ROBO1: variants seen among roughly 807,000 people sequenced by gnomAD.
ROBO1 encodes the protein roundabout homolog 1.
Under a neutral mutation model 195.9 loss-of-function variants are expected in ROBO1, and 149 were observed. The ratio of observed to expected loss-of-function variants is 0.76; its 90% confidence interval spans 0.67 to 0.87. The LOEUF (loss-of-function observed/expected upper bound fraction) is 0.87, where lower values mean the gene tolerates loss of function less well. Ranked by LOEUF, ROBO1 falls within the 40% of genes least tolerant of loss-of-function variation. ROBO1 has a pLI of 0.00. For missense variants in ROBO1, 1,933 were observed against 2,068.3 expected (o/e 0.93, Z 1.27); for synonymous variants, 816 against 733.2 (o/e 1.11, Z -1.82).
At position 78,651,748 on chromosome 3, in the gene ROBO1, G is replaced by A. The variant is rs781748628; in HGVS notation, c.2796C>T (p.Tyr932=). The change falls in exon 19 of 31, where the codon TAC becomes TAT. Residue 932 remains tyrosine, a synonymous_variant. Coordinates refer to ENST00000464233, the MANE Select transcript of ROBO1 (RefSeq NM_002941.4). ...AGCTAATACCTTTTCTGATACCCGC[G>A]TAGGTACTAGTAAGTCCGTTTCTCT... ...RKKRNGLTST[Y]AGIRKVPSFT... The A allele has an allele frequency of 1.3e-5, 21 of 1,607,772 alleles. No individual in the cohort carries two copies. The highest frequency in any genetic ancestry group is 8.5e-5 in the Admixed American group (5 of 58,932).
intron 1 of ROBO1, among the ~76,000 whole-genome samples, chr3:79,690,878 G>C (rs1175834758): frequency 6.6e-6 from 1 of 151,696 alleles, no homozygotes; most frequent in Admixed American, 6.6e-5. Flanking sequence ...GAGTTCTAAA[G>C]TAAAATATCA....
intron 1 of ROBO1, among the ~76,000 whole-genome samples, chr3:79,671,132 C>A (rs1397807762): frequency 6.6e-6 from 1 of 151,754 alleles, no homozygotes; most frequent in Admixed American, 6.6e-5. Flanking sequence ...TACTGATATA[C>A]AATGTTTAAG....
chr3:78,950,628 A>G (rs2040726572), intron 3 of ROBO1, among the ~76,000 whole-genome samples: 2 of 151,678 alleles, frequency 1.3e-5, no homozygotes, highest in African/African-American at 2.4e-5. Flanking sequence ...AAACCTGCAC[A>G]TTGTGCACAT....
chr3:79,209,646 C>T (rs894775823), intron 2 of ROBO1, among the ~76,000 whole-genome samples: 1 of 151,936 alleles, frequency 6.6e-6, no homozygotes, highest in African/African-American at 2.4e-5. Flanking sequence ...CCCTTTTTAC[C>T]ACATCCATGC....
intron 2 of ROBO1, among the ~76,000 whole-genome samples, chr3:79,242,670 T>C (rs910613013): frequency 6.6e-6 from 1 of 152,160 alleles, no homozygotes; most frequent in Non-Finnish European, 1.5e-5. Flanking sequence ...CTTTTTGATA[T>C]AAACTTCAGT....
chr3:79,285,197 G>C (rs2031811943), intron 2 of ROBO1, among the ~76,000 whole-genome samples: 1 of 152,040 alleles, frequency 6.6e-6, no homozygotes, highest in Admixed American at 6.5e-5. Context: ...ACATTCAGAG[G>C]TAATGTTTTG....
intron 2 of ROBO1, among the ~76,000 whole-genome samples, chr3:79,540,100 G>A (rs1942009615): frequency 6.6e-6 from 1 of 151,908 alleles, no homozygotes; most frequent in Admixed American, 6.6e-5. Context: ...TTGAAATTTG[G>A]CACATTATAA....
In ROBO1 at chr3:78,945,854, G is replaced by A. The variant is rs563132775; in HGVS notation, c.173-6927C>T. 1.1e-4 allele frequency among the ~76,000 whole-genome samples: 16 copies of A among 152,156 alleles called. No individual in the cohort carries two copies. The East Asian group carries it at 1.6e-3, about 15-fold the overall frequency. On this transcript the variant is annotated intron_variant, in intron 3 of 30. Transcript: ENST00000464233. ...CTGATGGAGCTGAAAACCAAGGCAC[G>A]AGAGCTACGTGACAACTGTAGAAGC...
chr3:79,495,799 A>G (rs1031708518), intron 2 of ROBO1, among the ~76,000 whole-genome samples: 2 of 152,136 alleles, frequency 1.3e-5, no homozygotes, highest in African/African-American at 4.8e-5. Flanking sequence ...ATATTCTTCT[A>G]ATTTTCTGTT....
At chr3:78,748,142 T>C (rs1328105560) in intron 4 of ROBO1, among the ~76,000 whole-genome samples, 1 of 152,190 alleles carries the variant, frequency 6.6e-6, no homozygotes, top group African/African-American at 2.4e-5. Context: ...ATGTTATTTA[T>C]CTTTTAAAAC....
At chr3:79,535,694 A>G (rs546444147) in intron 2 of ROBO1, among the ~76,000 whole-genome samples, 1 of 152,200 alleles carries the variant, frequency 6.6e-6, no homozygotes, top group Admixed American at 6.6e-5. Context: ...AATAAAATAG[A>G]TTGAGGAGAT....
chr3:79,409,430 C>T (rs2037679792), intron 2 of ROBO1, among the ~76,000 whole-genome samples: 2 of 152,086 alleles, frequency 1.3e-5, no homozygotes, highest in Admixed American at 6.6e-5. Flanking sequence ...TATTATGCAA[C>T]TCTCCATTCA....
intron 2 of ROBO1, among the ~76,000 whole-genome samples, chr3:79,368,491 G>A (rs971520228): frequency 6.6e-6 from 1 of 152,072 alleles, no homozygotes; most frequent in Non-Finnish European, 1.5e-5. Flanking sequence ...AAGGGGTGGT[G>A]AGGAAGTTTT....
intron 4 of ROBO1, among the ~76,000 whole-genome samples, chr3:78,900,764 T>C (rs958808949): frequency 7.2e-5 from 11 of 152,200 alleles, no homozygotes; most frequent in East Asian, 1.9e-4. Context: ...AATATATATA[T>C]ATTGAGTCCC....
chr3:79,600,156 G>T (rs947920914), intron 1 of ROBO1, among the ~76,000 whole-genome samples: 2 of 151,960 alleles, frequency 1.3e-5, no homozygotes, highest in Non-Finnish European at 2.9e-5. Context: ...TTAGTGGGAC[G>T]CATGATGTCT....
At chr3:79,079,008 A>C (rs2079223222) in intron 3 of ROBO1, among the ~76,000 whole-genome samples, 1 of 151,772 alleles carries the variant, frequency 6.6e-6, no homozygotes, top group African/African-American at 2.4e-5. Context: ...TATGGGTATA[A>C]ATGTACATAC....
At chr3:79,521,361 G>A (rs1941202512) in intron 2 of ROBO1, among the ~76,000 whole-genome samples, 1 of 152,130 alleles carries the variant, frequency 6.6e-6, no homozygotes, top group Admixed American at 6.5e-5. Context: ...TAATTTCCTT[G>A]AGGTAGAGAA....
At chr3:79,503,041 C>T (rs542601299) in intron 2 of ROBO1, among the ~76,000 whole-genome samples, 2 of 152,268 alleles carry the variant, frequency 1.3e-5, no homozygotes, top group African/African-American at 4.8e-5. Context: ...CAGTGACAAC[C>T]TCTCAGGTCT....
chr3:78,604,783 A>G (rs1181884268), intron 29 of ROBO1, among the ~76,000 whole-genome samples: 1 of 152,146 alleles, frequency 6.6e-6, no homozygotes, highest in Admixed American at 6.5e-5. Flanking sequence ...TCTTACCACA[A>G]TATATCTATT....
Sources: allele counts gnomAD v4.1 joint callset (sites outside exome capture counted in the v4.1 genomes callset), GRCh38; gene constraint gnomAD v4.1.1; transcripts MANE v1.5; gene names NCBI Gene and HGNC (gene_info 2026-07-23, HGNC 2026-07-21).